Variants in TNFAIP8 observed in about 807,000 individuals in gnomAD.
TNFAIP8 encodes tumor necrosis factor alpha-induced protein 8.
In TNFAIP8, 7 loss-of-function variants were observed where a neutral mutation model predicts 13.3. That is an observed-to-expected ratio of 0.52 (90% CI 0.30 to 0.99). TNFAIP8 has a LOEUF of 0.99. Ranked by LOEUF, TNFAIP8 falls within the 50% of genes least tolerant of loss-of-function variation. TNFAIP8 has a pLI of 0.07. For missense variants in TNFAIP8, 258 were observed against 236.9 expected, an observed-to-expected ratio of 1.09 and a Z score of -0.58; for synonymous variants, 94 against 87.6, an observed-to-expected ratio of 1.07 and a Z score of -0.41.
chr5:119,346,728 T>C (rs975651262), intron 1 of TNFAIP8, among the ~76,000 whole-genome samples: 1 of 152,246 alleles, frequency 6.6e-6, no homozygotes, highest in Admixed American at 6.5e-5. Context: ...TAGTCATTCA[T>C]GCAAGCATCT....
At chr5:119,360,663 A>G (rs770626816) in intron 1 of TNFAIP8, among the ~76,000 whole-genome samples, 9 of 152,200 alleles carry the variant, frequency 5.9e-5, no homozygotes, top group Non-Finnish European at 1.3e-4. Context: ...CCTCTTTAAT[A>G]CATGTTCTGC....
chr5:119,329,130 G>T (rs553305873), intron 1 of TNFAIP8, among the ~76,000 whole-genome samples: 2 of 152,338 alleles, frequency 1.3e-5, no homozygotes, highest in South Asian at 2.1e-4. Flanking sequence ...GATTCTGGGC[G>T]TGCCTTTCAG....
At chr5:119,361,482 TA>T (rs1751633044) in intron 1 of TNFAIP8, among the ~76,000 whole-genome samples, 1 of 152,202 alleles carries the variant, frequency 6.6e-6, no homozygotes, top group South Asian at 2.1e-4. Flanking sequence ...TATGTGGACT[TA>T]ATGATAATAC....
In TNFAIP8 at chr5:119,330,564, C is replaced by T. The variant is rs577950265; in HGVS notation, c.1+61657C>T. 2.0e-5 allele frequency among the ~76,000 whole-genome samples: 3 copies of T among 152,136 alleles called. No homozygotes were observed. The East Asian group carries it at 5.8e-4, about 29-fold the overall frequency. ...CTCCTCTCAGCCCTGTCCTATTGTG[C>T]AGGGTCCTGCTGAATATGCTGCTTA... is the stretch of plus-strand genomic sequence containing the variant. On this transcript the variant is annotated intron_variant, in intron 1 of 1. Coordinates refer to the TNFAIP8 transcript ENST00000274456.
rs1322798398 is a variant in TNFAIP8, at chr5:119,389,644, A to G, written c.32-3172A>G. On this transcript the variant is annotated intron_variant, in intron 1 of 1. Transcript: ENST00000504771. Reference sequence around the variant, plus strand: ...AGTTGGCTTCAAAAAAACTTTCTCTAATGCTGGAAAATAAATCTACTCATG... The same window carrying G: ...AGTTGGCTTCAAAAAAACTTTCTCTGATGCTGGAAAATAAATCTACTCATG... Among the ~76,000 whole-genome samples, 5 of 152,136 alleles carry G rather than the reference A, an allele frequency of 3.3e-5. No individual in the cohort carries two copies. The South Asian group carries it at 1.0e-3, about 32-fold the overall frequency.
chr5:119,338,014 C>G (rs531887490), intron 1 of TNFAIP8, among the ~76,000 whole-genome samples: 1 of 152,164 alleles, frequency 6.6e-6, no homozygotes, highest in Admixed American at 6.5e-5. Context: ...CTGATTTGCC[C>G]CTCTCCTGCT....
intron 1 of TNFAIP8, among the ~76,000 whole-genome samples, chr5:119,327,087 T>C (rs1301247502): frequency 2.0e-5 from 3 of 152,152 alleles, no homozygotes; most frequent in Non-Finnish European, 2.9e-5. Flanking sequence ...AGAAAAGGAC[T>C]GCATTTGTGG....
intron 1 of TNFAIP8, among the ~76,000 whole-genome samples, chr5:119,383,568 T>A (rs1341948934): frequency 1.3e-5 from 2 of 152,236 alleles, no homozygotes; most frequent in Non-Finnish European, 2.9e-5. Context: ...ACATATACAG[T>A]TTATATTCTT....
At position 119,292,645 on chromosome 5, in the gene TNFAIP8, CAT is replaced by C. The variant is rs56896742; in HGVS notation, c.1+23778_1+23779del. The stretch of plus-strand genomic sequence containing the variant: ...ATTAGTGAATGAATAATCAATGTAG[CAT>C]ATATATATATATATATATATATATA... On this transcript the variant is annotated intron_variant, in intron 1 of 1. Coordinates refer to the TNFAIP8 transcript ENST00000274456. Among the ~76,000 whole-genome samples, 267 of 32,786 alleles carry C rather than the reference CAT, an allele frequency of 8.1e-3. 3 individuals carry two copies. Among genetic ancestry groups the C allele is most frequent in the African/African-American group, 0.013 (222 of 16,966 alleles). 21.5% of individuals were successfully genotyped at this position (32,786 alleles called of 152,430 possible).
At position 119,356,058 on chromosome 5, in the gene TNFAIP8, G is replaced by A; in HGVS notation, c.-33G>A. 1.9e-6 allele frequency: 3 copies of A among 1,564,534 alleles called. No homozygotes were observed. The highest frequency in any genetic ancestry group is 2.6e-6 in the Non-Finnish European group (3 of 1,154,108). ...CGGCTCGTCCGAGTACATGTGAGCG[G>A]TAATCGCCCCTGCAGCTGGTTATCC... is the stretch of plus-strand genomic sequence containing the variant. On this transcript the variant is annotated 5_prime_UTR_variant, in exon 1 of 2. Transcript: ENST00000504771.
intron 1 of TNFAIP8, among the ~76,000 whole-genome samples, chr5:119,273,959 T>A (rs540388728): frequency 6.6e-6 from 1 of 152,330 alleles, no homozygotes; most frequent in East Asian, 1.9e-4. Flanking sequence ...CCAAATTCAT[T>A]TAGCTCAAGC....
rs147371108 is a variant in TNFAIP8, at chr5:119,350,063, T to C, written c.2-42753T>C. 4.4e-3 allele frequency among the ~76,000 whole-genome samples: 664 copies of C among 152,332 alleles called. 8 individuals are homozygous for C. Among genetic ancestry groups the C allele is most frequent in the African/African-American group, 0.015 (608 of 41,560 alleles). On this transcript the variant is annotated intron_variant, in intron 1 of 1. Coordinates refer to the TNFAIP8 transcript ENST00000274456. The stretch of plus-strand genomic sequence containing the variant: ...TTACATATCTGTAAAATGAGTATGA[T>C]GACCCAAGGGGGCTAATTTGGGAGT...
At chr5:119,355,773 T>C (rs775049960), upstream of TNFAIP8, 30 of 302,452 alleles carry the variant, frequency 9.9e-5, no homozygotes, top group Middle Eastern at 1.2e-3. Context: ...GGCTGCCGTC[T>C]GGGCCTGTGC....
At chr5:119,383,118 T>C (rs541957158) in intron 1 of TNFAIP8, among the ~76,000 whole-genome samples, 23 of 152,352 alleles carry the variant, frequency 1.5e-4, no homozygotes, top group African/African-American at 5.5e-4. Flanking sequence ...CATAAGACTC[T>C]TTTAGCTTAT....
chr5:119,312,994 T>C (rs1749781320), intron 1 of TNFAIP8, among the ~76,000 whole-genome samples: 1 of 152,180 alleles, frequency 6.6e-6, no homozygotes, highest in Admixed American at 6.5e-5. Flanking sequence ...CAAATACTTG[T>C]TTTGATTATT....
At chr5:119,294,604 C>G (rs1457336442) in intron 1 of TNFAIP8, among the ~76,000 whole-genome samples, 2 of 152,056 alleles carry the variant, frequency 1.3e-5, no homozygotes, top group Non-Finnish European at 2.9e-5. Flanking sequence ...AGATCTAGAT[C>G]TGAGGCATCT....
chr5:119,310,780 T>TG (rs149328284), intron 1 of TNFAIP8, among the ~76,000 whole-genome samples: 65 of 152,110 alleles, frequency 4.3e-4, no homozygotes, highest in African/African-American at 1.4e-3. Flanking sequence ...TGAGTGGAGA[T>TG]TGCGCCACTG....
At chr5:119,315,817 C>G (rs1346247117) in intron 1 of TNFAIP8, among the ~76,000 whole-genome samples, 2 of 152,160 alleles carry the variant, frequency 1.3e-5, no homozygotes, top group Non-Finnish European at 2.9e-5. Context: ...ACACAGAAGT[C>G]TTGATTGCAG....
At position 119,385,505 on chromosome 5, in the gene TNFAIP8, G is replaced by A. The variant is rs184807165; in HGVS notation, c.32-7311G>A. ...CTTGTAGTAGGCTCTCATTCTGTTC[G>A]TGATAGGCCAGTTTTCTCTAGGCAG... On this transcript the variant is annotated intron_variant, in intron 1 of 1. Coordinates refer to ENST00000504771, the MANE Select transcript of TNFAIP8 (RefSeq NM_014350.4). Among the ~76,000 whole-genome samples the A allele has an allele frequency of 3.2e-3, 488 of 152,168 alleles. 2 individuals carry two copies. The highest frequency in any genetic ancestry group is 0.011 in the African/African-American group (468 of 41,514).
Sources: allele counts gnomAD v4.1 joint callset (sites outside exome capture counted in the v4.1 genomes callset), GRCh38; gene constraint gnomAD v4.1.1; transcripts MANE v1.5; gene names NCBI Gene and HGNC (gene_info 2026-07-23, HGNC 2026-07-21).